The following FBXW7 variants were observed in gnomAD, a reference collection of about 807,000 sequenced individuals.
FBXW7 encodes the protein F-box and WD repeat domain containing 7, also known as F-box/WD repeat-containing protein 7.
In FBXW7, 11 loss-of-function variants were observed where a neutral mutation model predicts 86.3. The observed-to-expected ratio is 0.13, with a 90% CI of 0.08 to 0.21. The LOEUF is 0.21. Among genes scored for constraint, FBXW7 ranks in the 10% least tolerant of loss-of-function variants. The pLI is 1.00. For missense variants in FBXW7, 488 were observed against 847.4 expected (o/e 0.58, Z 5.27); for synonymous variants, 313 against 297.9 (o/e 1.05, Z -0.52).
At chr4:152,371,103 G>T (rs1254332116) in intron 4 of FBXW7, among the ~76,000 whole-genome samples, 1 of 151,742 alleles carries the variant, frequency 6.6e-6, no homozygotes, top group African/African-American at 2.4e-5. Context: ...CAAAAATGCT[G>T]GGCCTTTCCA....
intron 4 of FBXW7, among the ~76,000 whole-genome samples, chr4:152,371,657 G>A (rs1734015229): frequency 6.6e-6 from 1 of 151,984 alleles, no homozygotes; most frequent in Non-Finnish European, 1.5e-5. Context: ...GGAGTCTGAT[G>A]ACACACTGTA....
chr4:152,369,551 T>C (rs1733821707), intron 4 of FBXW7, among the ~76,000 whole-genome samples: 2 of 152,084 alleles, frequency 1.3e-5, no homozygotes, highest in South Asian at 4.1e-4. Context: ...GAAAAGTTAC[T>C]ATATTTTGTA....
In FBXW7 at chr4:152,475,024, C is replaced by T. The variant is rs915024464; in HGVS notation, c.-120+59917G>A. 2.6e-5 allele frequency among the ~76,000 whole-genome samples: 4 copies of T among 151,986 alleles called. No homozygotes were observed. In the South Asian group the frequency reaches 6.2e-4, roughly 24 times the overall value. ...GGCTGAAGTGGGAGAATCACTTGAA[C>T]CCAGGAAGCAGAGGTTGAGTGAGCA... On this transcript the variant is annotated intron_variant, in intron 2 of 13. Transcript: ENST00000281708.
intron 2 of FBXW7, among the ~76,000 whole-genome samples, chr4:152,470,737 T>G (rs1046204796): frequency 1.3e-5 from 2 of 152,108 alleles, no homozygotes; most frequent in African/African-American, 4.8e-5. Context: ...TTTATGAAGC[T>G]CTTCTTGTCT....
chr4:152,430,225 G>A (rs1483602824), intron 2 of FBXW7, among the ~76,000 whole-genome samples: 1 of 152,166 alleles, frequency 6.6e-6, no homozygotes, highest in African/African-American at 2.4e-5. Flanking sequence ...ATTGTAATAA[G>A]AAATTCAAGT....
chr4:152,450,248 A>G (rs960351717), intron 2 of FBXW7, among the ~76,000 whole-genome samples: 2 of 152,330 alleles, frequency 1.3e-5, no homozygotes, highest in South Asian at 2.1e-4. Flanking sequence ...CAAACAAGAA[A>G]AATAATGCAG....
chr4:152,473,247 A>T (rs1390713813), intron 2 of FBXW7, among the ~76,000 whole-genome samples: 5 of 152,184 alleles, frequency 3.3e-5, no homozygotes, highest in African/African-American at 1.2e-4. Context: ...CTCCAAAAAC[A>T]AAAACAAAAA....
At chr4:152,400,467 G>A (rs139617520) in intron 4 of FBXW7, among the ~76,000 whole-genome samples, 3 of 151,774 alleles carry the variant, frequency 2.0e-5, no homozygotes, top group African/African-American at 7.3e-5. Context: ...TCAGCCTCTC[G>A]GGTTGCTAAG....
At chr4:152,430,616 G>A (rs927210140) in intron 2 of FBXW7, among the ~76,000 whole-genome samples, 3 of 152,106 alleles carry the variant, frequency 2.0e-5, no homozygotes, top group East Asian at 3.8e-4. Flanking sequence ...TAATGTTGTA[G>A]ATATCTGTAG....
At chr4:152,419,494 AACACACACACACAC>A (rs57894523) in intron 2 of FBXW7, among the ~76,000 whole-genome samples, 27 of 123,344 alleles carry the variant, frequency 2.2e-4, no homozygotes, top group African/African-American at 7.9e-4. Flanking sequence ...GGATAAGGTA[AACACACACACACAC>A]ACACACACAC....
chr4:152,417,024 G>A (rs1265836099), intron 2 of FBXW7, among the ~76,000 whole-genome samples: 1 of 151,844 alleles, frequency 6.6e-6, no homozygotes, highest in African/African-American at 2.4e-5. Flanking sequence ...ATTTTCCTTG[G>A]TACATTCCTC....
At chr4:152,328,828 G>C (rs1729297272) in intron 10 of FBXW7, 2 of 152,674 alleles carry the variant, frequency 1.3e-5, no homozygotes, top group African/African-American at 4.8e-5. Context: ...CAGTAGTTAG[G>C]AGCCAGTGAA....
At chr4:152,396,393 C>T (rs1036143378) in intron 4 of FBXW7, among the ~76,000 whole-genome samples, 1 of 152,000 alleles carries the variant, frequency 6.6e-6, no homozygotes, top group African/African-American at 2.4e-5. Context: ...CAACCCCTCC[C>T]TACAAGAGCT....
intron 2 of FBXW7, among the ~76,000 whole-genome samples, chr4:152,487,311 G>A (rs1180412142): frequency 1.3e-5 from 2 of 152,026 alleles, no homozygotes; most frequent in Admixed American, 1.3e-4. Context: ...TTACAATAGA[G>A]AAATCAGGTC....
chr4:152,360,740 G>A (rs929501642), intron 4 of FBXW7, among the ~76,000 whole-genome samples: 2 of 151,704 alleles, frequency 1.3e-5, no homozygotes, highest in African/African-American at 4.8e-5. Context: ...CACAATATAA[G>A]GTACGGTCCT....
chr4:152,504,542 CAA>C (rs1403351297), intron 2 of FBXW7, among the ~76,000 whole-genome samples: 1 of 152,124 alleles, frequency 6.6e-6, no homozygotes, highest in Non-Finnish European at 1.5e-5. Context: ...AGTTTTGCTT[CAA>C]AGTCTACTAC....
intron 4 of FBXW7, among the ~76,000 whole-genome samples, chr4:152,358,180 GA>G (rs1260086362): frequency 2.8e-4 from 42 of 151,998 alleles, no homozygotes; most frequent in Non-Finnish European, 1.2e-4. Context: ...AGATATCATG[GA>G]AAAAAAGTAT....
Position 152,411,576 on chromosome 4 carries a change from C to G in FBXW7, c.228G>C (p.Gln76His), listed in dbSNP as rs2126880099. 1 of 1,613,930 alleles carries G rather than the reference C, an allele frequency of 6.2e-7. No individual in the cohort carries two copies. Among genetic ancestry groups the G allele is most frequent in the Non-Finnish European group, 8.5e-7 (1 of 1,179,896 alleles). The change falls in exon 4 of 14, where the codon CAG becomes CAC. Residue 76 changes from glutamine to histidine, a missense_variant. This residue lies in a region of FBXW7 where 230 missense variants were observed against 240.0 expected (regional missense o/e 0.96). Coordinates refer to ENST00000281708, the MANE Select transcript of FBXW7 (RefSeq NM_001349798.2). ...TAAATCTATTATTGTTTTCTTCCAA[C>G]TGTCCTTGCTGGGAATCATTTTGGC... ...PGGQNDSQQG[Q>H]LEENNNRFIS...
chr4:152,403,965 T>C (rs929519087), intron 4 of FBXW7, among the ~76,000 whole-genome samples: 1 of 152,194 alleles, frequency 6.6e-6, no homozygotes, highest in Non-Finnish European at 1.5e-5. Context: ...AATAAATATC[T>C]TCAAAACAAG....
Sources: allele counts gnomAD v4.1 joint callset (sites outside exome capture counted in the v4.1 genomes callset), GRCh38; gene constraint gnomAD v4.1.1; regional missense constraint gnomAD v4.1.1; transcripts MANE v1.5; gene names NCBI Gene and HGNC (gene_info 2026-07-23, HGNC 2026-07-21).